SLC2A9: variants seen among roughly 807,000 people sequenced by gnomAD.
The protein encoded by SLC2A9 is solute carrier family 2 member 9, also known as solute carrier family 2, facilitated glucose transporter member 9.
A neutral mutation model predicts 50.6 loss-of-function variants in SLC2A9; 39 were observed. The observed-to-expected ratio is 0.77, with a 90% confidence interval of 0.60 to 1.01. SLC2A9 has a LOEUF of 1.01. Ranked by LOEUF, SLC2A9 falls within the 50% of genes least tolerant of loss-of-function variation. The probability of loss-of-function intolerance (pLI) is 0.00; values close to 1 mark genes in which losing one functional copy is unlikely to be tolerated. For missense variants in SLC2A9, 686 were observed against 677.6 expected, an observed-to-expected ratio of 1.01 and a Z score of -0.14; for synonymous variants, 324 against 276.9, an observed-to-expected ratio of 1.17 and a Z score of -1.69.
downstream of SLC2A9, among the ~76,000 whole-genome samples, chr4:9,796,689 G>A (rs1003342487): frequency 6.6e-6 from 1 of 152,136 alleles, no homozygotes; most frequent in South Asian, 2.1e-4. Flanking sequence ...GTTCTACAGG[G>A]CTCTTCTGGG....
downstream of SLC2A9, among the ~76,000 whole-genome samples, chr4:9,822,434 C>T (rs188800885): frequency 3.3e-5 from 5 of 152,232 alleles, no homozygotes; most frequent in Admixed American, 3.3e-4. Context: ...TTTATAACTA[C>T]ATAATCTCCT....
chr4:9,946,445 G>T (rs1749171946), intron 5 of SLC2A9, among the ~76,000 whole-genome samples: 1 of 152,124 alleles, frequency 6.6e-6, no homozygotes, highest in African/African-American at 2.4e-5. Flanking sequence ...GTTCCAATAT[G>T]CTCATGGCCC....
At chr4:9,942,482 G>A (rs900044690) in intron 5 of SLC2A9, among the ~76,000 whole-genome samples, 4 of 152,180 alleles carry the variant, frequency 2.6e-5, no homozygotes, top group South Asian at 4.1e-4. Context: ...ATATCTAGAC[G>A]CCCACGACAT....
chr4:9,899,915 A>T (rs528938501), intron 8 of SLC2A9, among the ~76,000 whole-genome samples: 2 of 152,276 alleles, frequency 1.3e-5, no homozygotes, highest in African/African-American at 4.8e-5. Flanking sequence ...GTCACTTTAC[A>T]AGCTTGGCTT....
chr4:9,985,668 C>T lies in SLC2A9; in HGVS notation c.535+1G>A. On this transcript the variant is annotated splice_donor_variant, in intron 4 of 11. Transcript: ENST00000264784. LOFTEE classifies it high-confidence loss of function. The stretch of plus-strand genomic sequence containing the variant: ...CCCTCCCCGTCATGGTGAACTCTCA[C>T]CTCCATCTATGCCCATGATGAAGCG... 6.2e-7 allele frequency: 1 copy of T among 1,614,000 alleles called. No individual in the cohort carries two copies. The highest frequency in any genetic ancestry group is 8.5e-7 in the Non-Finnish European group (1 of 1,179,858).
At chr4:9,887,035 G>GGGGCAT (rs1736397018) in intron 10 of SLC2A9, among the ~76,000 whole-genome samples, 1 of 152,210 alleles carries the variant, frequency 6.6e-6, no homozygotes, top group Non-Finnish European at 1.5e-5. Flanking sequence ...GCTGGTGGTT[G>GGGGCAT]GGGCCTGGGC....
intron 3 of SLC2A9, chr4:9,783,336 G>A (rs867973828): frequency 1.2e-6 from 2 of 1,614,222 alleles, no homozygotes; most frequent in East Asian, 2.2e-5. Flanking sequence ...CCTTTCGATC[G>A]CATGTTCCAG....
rs1303689397 is a variant in SLC2A9 at position 9,978,915 on chromosome 4, C to G, written c.681+1677G>C. Reference sequence around the variant, plus strand: ...GGATTTTACCACAATAAAAAATGTTCAAAACATTTAAAATTTGCTTTAAAA... The same window carrying G: ...GGATTTTACCACAATAAAAAATGTTGAAAACATTTAAAATTTGCTTTAAAA... On this transcript the variant is annotated intron_variant, in intron 5 of 11. Transcript: ENST00000264784. 3.3e-5 allele frequency among the ~76,000 whole-genome samples: 5 copies of G among 152,276 alleles called. No homozygotes were observed. The East Asian group carries it at 9.6e-4, about 29-fold the overall frequency.
chr4:10,030,203 A>G (rs1260002063), intron 1 of SLC2A9, among the ~76,000 whole-genome samples: 1 of 152,184 alleles, frequency 6.6e-6, no homozygotes, highest in African/African-American at 2.4e-5. Context: ...TTGCTGCAAG[A>G]CTAGATTTTA....
intron 8 of SLC2A9, among the ~76,000 whole-genome samples, chr4:9,899,004 C>T (rs1389180466): frequency 6.6e-6 from 1 of 152,212 alleles, no homozygotes; most frequent in African/African-American, 2.4e-5. Context: ...CTCCCCCTCT[C>T]TCTCTCTCTT....
chr4:9,863,908 T>A (rs1732040523), intron 10 of SLC2A9, among the ~76,000 whole-genome samples: 1 of 152,130 alleles, frequency 6.6e-6, no homozygotes, highest in African/African-American at 2.4e-5. Flanking sequence ...ACTGTAAGTT[T>A]CCTCCAAAAC....
At position 9,920,596 on chromosome 4, in the gene SLC2A9, C is replaced by G. The variant is rs772476463; in HGVS notation, c.815-24G>C. 7.4e-6 allele frequency: 12 copies of G among 1,613,800 alleles called. No homozygotes were observed. In the African/African-American group the frequency reaches 1.2e-4, roughly 16 times the overall value. On this transcript the variant is annotated intron_variant, in intron 6 of 11. Coordinates refer to ENST00000264784, the MANE Select transcript of SLC2A9 (RefSeq NM_020041.3). The stretch of plus-strand genomic sequence containing the variant: ...GGCTGCAAACAGAGGCACACATGGA[C>G]TTTCAGCAGGGATTAGAGTGTCCAT...
intron 7 of SLC2A9, among the ~76,000 whole-genome samples, chr4:9,919,497 T>C (rs1743509879): frequency 6.6e-6 from 1 of 152,048 alleles, no homozygotes; most frequent in Admixed American, 6.6e-5. Flanking sequence ...CCAAACACCC[T>C]CCCTGCCCGC....
At chr4:9,787,757 G>A (rs1328787959) in intron 3 of SLC2A9, among the ~76,000 whole-genome samples, 5 of 152,124 alleles carry the variant, frequency 3.3e-5, no homozygotes, top group African/African-American at 7.2e-5. Flanking sequence ...TTCAACTTGG[G>A]TTTTTTGGTG....
intron 6 of SLC2A9, among the ~76,000 whole-genome samples, chr4:9,927,786 C>A (rs1426472939): frequency 6.6e-6 from 1 of 152,082 alleles, no homozygotes; most frequent in South Asian, 2.1e-4. Flanking sequence ...GAACCTGGAG[C>A]CTTCACATGG....
At chr4:9,907,580 G>A (rs1218177166) in intron 8 of SLC2A9, among the ~76,000 whole-genome samples, 3 of 152,182 alleles carry the variant, frequency 2.0e-5, no homozygotes, top group Non-Finnish European at 4.4e-5. Context: ...GGGGTAATGA[G>A]ATGACTGCTA....
chr4:9,915,314 T>G (rs143466055), intron 7 of SLC2A9, among the ~76,000 whole-genome samples: 8,856 of 152,314 alleles, frequency 0.058, 849 homozygotes, highest in African/African-American at 0.2. Flanking sequence ...CTCAGCTCAT[T>G]GCAACCTCTG....
intron 8 of SLC2A9, among the ~76,000 whole-genome samples, chr4:9,903,893 T>A (rs1026390899): frequency 6.8e-6 from 1 of 147,592 alleles, no homozygotes; most frequent in African/African-American, 2.5e-5. Flanking sequence ...TATTTATATA[T>A]TTTATATCAA....
At chr4:9,807,718 T>C (rs924652657) in intron 3 of SLC2A9, among the ~76,000 whole-genome samples, 2 of 152,204 alleles carry the variant, frequency 1.3e-5, no homozygotes, top group African/African-American at 2.4e-5. Context: ...CATGTGGACC[T>C]TAGGCTTGAT....
Sources: allele counts gnomAD v4.1 joint callset (sites outside exome capture counted in the v4.1 genomes callset), GRCh38; gene constraint gnomAD v4.1.1; transcripts MANE v1.5; gene names NCBI Gene and HGNC (gene_info 2026-07-23, HGNC 2026-07-21).